NELL1: variants seen among roughly 807,000 people sequenced by gnomAD.
The protein encoded by NELL1 is protein kinase C-binding protein NELL1.
Under a neutral mutation model 107.4 loss-of-function variants are expected in NELL1, and 76 were observed. The observed-to-expected ratio is 0.71, with a 90% CI of 0.59 to 0.86. The LOEUF is 0.86. Ranked by LOEUF, NELL1 falls within the 40% of genes least tolerant of loss-of-function variation. NELL1 has a pLI of 0.00. For missense variants in NELL1, 1,024 were observed against 1,005.5 expected, an observed-to-expected ratio of 1.02 and a Z score of -0.25; for synonymous variants, 353 against 341.2, an observed-to-expected ratio of 1.03 and a Z score of -0.38.
chr11:21,053,974 T>A (rs1008864430), intron 12 of NELL1, among the ~76,000 whole-genome samples: 2 of 152,202 alleles, frequency 1.3e-5, no homozygotes, highest in Admixed American at 6.6e-5. Context: ...TTCACTATTT[T>A]GTAGGTTCTT....
At chr11:21,264,303 A>G (rs1466096943) in intron 14 of NELL1, among the ~76,000 whole-genome samples, 1 of 151,862 alleles carries the variant, frequency 6.6e-6, no homozygotes, top group African/African-American at 2.4e-5. Flanking sequence ...TTCCTTATCT[A>G]TGAAGTGATT....
At chr11:20,832,164 C>T (rs867537865) in intron 3 of NELL1, among the ~76,000 whole-genome samples, 7 of 152,254 alleles carry the variant, frequency 4.6e-5, no homozygotes, top group Middle Eastern at 6.8e-3. Context: ...TATGAATGAC[C>T]GTTACCACTT....
At chr11:20,756,499 C>T (rs925109805) in intron 2 of NELL1, among the ~76,000 whole-genome samples, 53 of 149,728 alleles carry the variant, frequency 3.5e-4, no homozygotes, top group Admixed American at 1.3e-3. Flanking sequence ...GAGATGGCGC[C>T]GGGCTAATTT....
chr11:21,540,382 C>T (rs1453438543), intron 16 of NELL1, among the ~76,000 whole-genome samples: 1 of 152,088 alleles, frequency 6.6e-6, no homozygotes, highest in Non-Finnish European at 1.5e-5. Context: ...GATCATTTTC[C>T]CTACCTCCAT....
At chr11:21,469,298 C>T (rs1854115938) in intron 15 of NELL1, among the ~76,000 whole-genome samples, 1 of 151,950 alleles carries the variant, frequency 6.6e-6, no homozygotes, top group South Asian at 2.1e-4. Context: ...TTTTGTTTTG[C>T]TTCTCTGGTG....
At chr11:21,496,520 C>T (rs1476694581) in intron 15 of NELL1, among the ~76,000 whole-genome samples, 1 of 151,632 alleles carries the variant, frequency 6.6e-6, no homozygotes, top group Non-Finnish European at 1.5e-5. Context: ...AGCGATTCTC[C>T]TGCCTCAGCC....
chr11:20,915,717 A>ATATATATATATATTTTTTTT, intron 5 of NELL1, among the ~76,000 whole-genome samples: 29 of 58,210 alleles, frequency 5.0e-4, no homozygotes, highest in African/African-American at 2.1e-3. Context: ...ATATATATAT[A>ATATATATATATATTTTTTTT]TTTTTTTTTT....
At chr11:20,741,741 C>G (rs1303243978) in intron 2 of NELL1, among the ~76,000 whole-genome samples, 1 of 152,148 alleles carries the variant, frequency 6.6e-6, no homozygotes, top group African/African-American at 2.4e-5. Flanking sequence ...TCTTTATAAA[C>G]TTCTCTCAAT....
chr11:21,224,352 C>T (rs1857838283), intron 13 of NELL1, among the ~76,000 whole-genome samples: 25 of 151,824 alleles, frequency 1.6e-4, no homozygotes, highest in Admixed American at 1.6e-3. Context: ...AAGTGATCCT[C>T]CTGTGAAGTT....
At chr11:20,986,819 T>A (rs1199712763) in intron 12 of NELL1, among the ~76,000 whole-genome samples, 1 of 152,112 alleles carries the variant, frequency 6.6e-6, no homozygotes, top group Non-Finnish European at 1.5e-5. Context: ...TGGGAAAATA[T>A]AGCACTCTTT....
intron 14 of NELL1, among the ~76,000 whole-genome samples, chr11:21,336,263 A>G (rs1469602249): frequency 6.6e-6 from 1 of 152,044 alleles, no homozygotes; most frequent in African/African-American, 2.4e-5. Context: ...CTTAGTGTTT[A>G]CTGTTAGCCA....
intron 14 of NELL1, among the ~76,000 whole-genome samples, chr11:21,242,633 A>G (rs772083224): frequency 3.0e-4 from 46 of 152,116 alleles, no homozygotes; most frequent in African/African-American, 1.0e-3. Context: ...ATACACTGTA[A>G]AGATCTCTTG....
intron 12 of NELL1, among the ~76,000 whole-genome samples, chr11:21,038,733 T>C (rs1853156282): frequency 1.3e-5 from 2 of 152,164 alleles, no homozygotes; most frequent in Non-Finnish European, 2.9e-5. Flanking sequence ...GAGGGGTAGA[T>C]TAGCTCAACT....
chr11:21,001,560 A>C (rs781642929), intron 12 of NELL1, among the ~76,000 whole-genome samples: 13 of 151,778 alleles, frequency 8.6e-5, no homozygotes, highest in Non-Finnish European at 1.6e-4. Flanking sequence ...CTGGTGTGTT[A>C]TTTGGGTTCT....
At chr11:20,867,756 G>A (rs1204142641) in intron 4 of NELL1, among the ~76,000 whole-genome samples, 1 of 152,128 alleles carries the variant, frequency 6.6e-6, no homozygotes, top group East Asian at 1.9e-4. Context: ...TTAATTAAGA[G>A]AAAATAATCA....
chr11:21,452,048 C>T (rs79700659), intron 15 of NELL1, among the ~76,000 whole-genome samples: 6,806 of 152,120 alleles, frequency 0.045, 333 homozygotes, highest in East Asian at 0.17. Context: ...GGAACACTTT[C>T]GCAGTCTCAC....
Position 21,522,158 on chromosome 11 carries a change from C to T in NELL1, c.1646-12216C>T, listed in dbSNP as rs550361727. ...CTGAGGCAGGAGAATGGCATGAACC[C>T]GGGAGGCGGAGCTTGCAGTGAGCCA... On this transcript the variant is annotated intron_variant, in intron 15 of 19. Transcript: ENST00000357134. 2.5e-3 allele frequency among the ~76,000 whole-genome samples: 374 copies of T among 150,822 alleles called. 4 individuals are homozygous for T. Among genetic ancestry groups the T allele is most frequent in the African/African-American group, 8.4e-3 (346 of 41,208 alleles).
rs549018877 is a variant in NELL1, at chr11:21,139,088, A to G, written c.1426+25374A>G. Among the ~76,000 whole-genome samples, 9 of 152,340 alleles carry G rather than the reference A, an allele frequency of 5.9e-5. No individual in the cohort carries two copies. The East Asian group carries it at 1.2e-3, about 20-fold the overall frequency. Reference sequence around the variant, plus strand: ...GTAATAACCTCTAGGTAATGCAGAGATGGCTTGTGAAGAATCAAAGAGAGC... The same window carrying G: ...GTAATAACCTCTAGGTAATGCAGAGGTGGCTTGTGAAGAATCAAAGAGAGC... On this transcript the variant is annotated intron_variant, in intron 13 of 19. Transcript: ENST00000357134.
intron 13 of NELL1, among the ~76,000 whole-genome samples, chr11:21,179,210 A>C (rs1479742407): frequency 6.6e-6 from 1 of 151,922 alleles, no homozygotes; most frequent in Non-Finnish European, 1.5e-5. Flanking sequence ...TTCTGAAAAC[A>C]TAAAATATTT....
Sources: gnomAD v4.1 joint callset for allele counts (sites outside exome capture counted in the v4.1 genomes callset) on GRCh38, gnomAD v4.1.1 for gene constraint, MANE v1.5 for transcripts, NCBI Gene and HGNC (gene_info 2026-07-23, HGNC 2026-07-21) for gene names.